The following KIF16B variants were observed in gnomAD, a reference collection of about 807,000 sequenced individuals.
KIF16B encodes the protein kinesin family member 16B, also known as kinesin-like protein KIF16B.
Under a neutral mutation model 156.3 loss-of-function variants are expected in KIF16B, and 98 were observed. The observed-to-expected ratio is 0.63, with a 90% confidence interval of 0.53 to 0.74. The LOEUF is 0.74. Among genes scored for constraint, KIF16B ranks in the 30% least tolerant of loss-of-function variants. The probability of loss-of-function intolerance (pLI) is 0.00; values close to 1 mark genes in which losing one functional copy is unlikely to be tolerated. For missense variants in KIF16B, 1,421 were observed against 1,606.5 expected (o/e 0.88, Z 1.97); for synonymous variants, 564 against 583.7 (o/e 0.97, Z 0.49).
At chr20:16,310,198 GATA>G (rs2063598867) in intron 25 of KIF16B, among the ~76,000 whole-genome samples, 1 of 152,214 alleles carries the variant, frequency 6.6e-6, no homozygotes, top group Non-Finnish European at 1.5e-5. Flanking sequence ...TTCTCTAGAG[GATA>G]ATGCCACAGA....
intron 1 of KIF16B, among the ~76,000 whole-genome samples, chr20:16,551,127 C>CTCTTCT (rs199950992): frequency 9.6e-4 from 102 of 106,492 alleles, no homozygotes; most frequent in African/African-American, 3.1e-3. Flanking sequence ...GAGGGGCTTT[C>CTCTTCT]TCTTCTTTTT....
At chr20:16,367,894 C>T (rs924983871) in intron 22 of KIF16B, 24 of 1,499,936 alleles carry the variant, frequency 1.6e-5, no homozygotes, top group Middle Eastern at 1.7e-4. Context: ...GCTCAGGAAT[C>T]GAACACTCTG....
intron 15 of KIF16B, among the ~76,000 whole-genome samples, chr20:16,409,967 A>ATATATATATGTAGG (rs1555877397): frequency 6.6e-5 from 2 of 30,118 alleles, no homozygotes; most frequent in Non-Finnish European, 1.1e-4. Flanking sequence ...ATATATATAT[A>ATATATATATGTAGG]TACATATATA....
intron 1 of KIF16B, among the ~76,000 whole-genome samples, chr20:16,531,677 G>A (rs541101180): frequency 6.6e-6 from 1 of 152,268 alleles, no homozygotes; most frequent in African/African-American, 2.4e-5. Context: ...AGGCAGCAGG[G>A]TAAATGACTC....
intron 1 of KIF16B, among the ~76,000 whole-genome samples, chr20:16,533,108 G>A (rs1182546905): frequency 6.6e-6 from 1 of 152,274 alleles, no homozygotes; most frequent in African/African-American, 2.4e-5. Flanking sequence ...TGAAGATGCA[G>A]GTAGGTTTTG....
intron 23 of KIF16B, among the ~76,000 whole-genome samples, chr20:16,351,130 C>G (rs933654187): frequency 2.0e-5 from 3 of 151,918 alleles, no homozygotes; most frequent in African/African-American, 7.3e-5. Context: ...ACTCTTCTGC[C>G]GATTACTTCC....
intron 10 of KIF16B, among the ~76,000 whole-genome samples, chr20:16,498,820 T>C (rs996644353): frequency 1.3e-5 from 2 of 152,014 alleles, no homozygotes; most frequent in Non-Finnish European, 2.9e-5. Flanking sequence ...TTTTTTATAA[T>C]TGCCAAGTTG....
At chr20:16,363,417 T>C (rs925147728) in intron 22 of KIF16B, among the ~76,000 whole-genome samples, 3 of 152,236 alleles carry the variant, frequency 2.0e-5, no homozygotes, top group Admixed American at 1.3e-4. Flanking sequence ...CTACAAGTTT[T>C]ATCTGAGTCT....
At chr20:16,515,192 A>G in intron 4 of KIF16B, among the ~76,000 whole-genome samples, 1 of 152,096 alleles carries the variant, frequency 6.6e-6, no homozygotes, top group Non-Finnish European at 1.5e-5. Context: ...AATGTTTTGA[A>G]TAATTTTAAA....
At chr20:16,336,249 G>A (rs1244132772) in intron 23 of KIF16B, among the ~76,000 whole-genome samples, 4 of 152,140 alleles carry the variant, frequency 2.6e-5, no homozygotes, top group Admixed American at 6.5e-5. Context: ...TATGTAAAGT[G>A]AAGGGCAGAT....
chr20:16,383,210 C>T (rs1230485633), intron 17 of KIF16B, among the ~76,000 whole-genome samples: 1 of 152,134 alleles, frequency 6.6e-6, no homozygotes, highest in Non-Finnish European at 1.5e-5. Flanking sequence ...CACATAACCT[C>T]CCTCTGTCCA....
At chr20:16,402,972 A>G (rs762568476) in intron 17 of KIF16B, among the ~76,000 whole-genome samples, 12 of 152,152 alleles carry the variant, frequency 7.9e-5, no homozygotes, top group Non-Finnish European at 1.6e-4. Flanking sequence ...CTTCCATCTC[A>G]CGTATATATG....
At chr20:16,419,331 G>A (rs1038318340) in intron 15 of KIF16B, among the ~76,000 whole-genome samples, 1 of 152,116 alleles carries the variant, frequency 6.6e-6, no homozygotes, top group African/African-American at 2.4e-5. Context: ...GATACCTGCT[G>A]ACACATAAAA....
At chr20:16,409,973 A>G (rs1469177469) in intron 15 of KIF16B, among the ~76,000 whole-genome samples, 1 of 25,840 alleles carries the variant, frequency 3.9e-5, no homozygotes, top group Non-Finnish European at 1.1e-4. Context: ...ATATATACAT[A>G]TATATATATA....
intron 1 of KIF16B, among the ~76,000 whole-genome samples, chr20:16,567,628 T>C (rs1399149444): frequency 1.3e-5 from 2 of 152,032 alleles, no homozygotes; most frequent in Non-Finnish European, 2.9e-5. Context: ...GTCAGTCAAT[T>C]GGTGAGAGGA....
Position 16,367,215 on chromosome 20 carries a change from C to T in KIF16B, c.3498+3371G>A, listed in dbSNP as rs770921316. On this transcript the variant is annotated intron_variant, in intron 22 of 25. Coordinates refer to ENST00000354981, the MANE Select transcript of KIF16B (RefSeq NM_024704.5). ...GAGAATTGAAAGTAAGTTTCCAGAC[C>T]TCAGGTGCGACATTCTGACTGCCTT... 30 of 1,612,642 alleles carry T rather than the reference C, an allele frequency of 1.9e-5. 1 individual carries two copies. In the South Asian group the frequency reaches 3.0e-4, roughly 16 times the overall value.
In KIF16B at chr20:16,365,319, G is replaced by T. The variant is rs188385877; in HGVS notation, c.3498+5267C>A. Among the ~76,000 whole-genome samples, 4 of 152,248 alleles carry T rather than the reference G, an allele frequency of 2.6e-5. No homozygotes were observed. In the East Asian group the frequency reaches 7.7e-4, roughly 29 times the overall value. On this transcript the variant is annotated intron_variant, in intron 22 of 25. Coordinates refer to ENST00000354981, the MANE Select transcript of KIF16B (RefSeq NM_024704.5). ...ATTTTAGGAGTGTTTGTTCATGAGG[G>T]AAGATGACCTACCAACCAAGATAAT...
At chr20:16,422,642 A>G (rs1004871911) in intron 15 of KIF16B, among the ~76,000 whole-genome samples, 1 of 152,158 alleles carries the variant, frequency 6.6e-6, no homozygotes, top group African/African-American at 2.4e-5. Context: ...CCCCCAAAGT[A>G]ATCTCAGTTC....
chr20:16,447,650 T>G (rs957273584), intron 12 of KIF16B, among the ~76,000 whole-genome samples: 2 of 152,040 alleles, frequency 1.3e-5, no homozygotes, highest in African/African-American at 4.8e-5. Context: ...TACCCCAAGC[T>G]CTAATAAAAA....
Sources: gnomAD v4.1 joint callset for allele counts (sites outside exome capture counted in the v4.1 genomes callset) on GRCh38, gnomAD v4.1.1 for gene constraint, MANE v1.5 for transcripts, NCBI Gene and HGNC (gene_info 2026-07-23, HGNC 2026-07-21) for gene names.